DRC8: variants seen among roughly 807,000 people sequenced by gnomAD.
DRC8 encodes the protein dynein regulatory complex protein 8.
chr1:245,032,841 A>G, the DRC8 span, among the ~76,000 whole-genome samples: 3 of 152,224 alleles, frequency 2.0e-5, no homozygotes, highest in Admixed American at 6.5e-5. Context: ...GAGAAGGGAT[A>G]AGATGAGATT....
chr1:245,091,348 G>C, the DRC8 span: 1 of 152,300 alleles, frequency 6.6e-6, no homozygotes, highest in East Asian at 1.9e-4. Flanking sequence ...CTAGCGCCCA[G>C]TGCGTCGACC....
At chr1:244,971,109 T>C in the DRC8 span, 70 of 152,840 alleles carry the variant, frequency 4.6e-4, no homozygotes, top group African/African-American at 1.6e-3. Flanking sequence ...GAGGACGGTC[T>C]GGAGGTCACA....
the DRC8 span, among the ~76,000 whole-genome samples, chr1:244,991,010 G>A: frequency 6.6e-6 from 1 of 152,096 alleles, no homozygotes; most frequent in Non-Finnish European, 1.5e-5. Flanking sequence ...ACAGGTTAAG[G>A]ATTTGGTCCC....
the DRC8 span, chr1:245,086,716 A>T: frequency 1.9e-6 from 1 of 533,150 alleles, no homozygotes; most frequent in Admixed American, 1.9e-5. Flanking sequence ...CATTCTCATG[A>T]CAACCCTATG....
chr1:244,970,562 G>C, the DRC8 span: 13 of 1,378,334 alleles, frequency 9.4e-6, no homozygotes, highest in African/African-American at 1.6e-4. Flanking sequence ...CGCAGGGAAA[G>C]GGCGGCCTGA....
the DRC8 span, among the ~76,000 whole-genome samples, chr1:245,033,391 A>G: frequency 1.6e-4 from 25 of 152,062 alleles, no homozygotes; most frequent in African/African-American, 5.1e-4. Context: ...GCCCTTGTCT[A>G]CGTTGGGAAA....
chr1:245,041,310 G>T, the DRC8 span, among the ~76,000 whole-genome samples: 1 of 152,200 alleles, frequency 6.6e-6, no homozygotes, highest in South Asian at 2.1e-4. Context: ...AGCATTACAT[G>T]CTGTGAAAAA....
chr1:245,067,097 C>T, the DRC8 span, among the ~76,000 whole-genome samples: 4 of 152,156 alleles, frequency 2.6e-5, no homozygotes, highest in Non-Finnish European at 5.9e-5. Context: ...CTTGTCATTT[C>T]TCCATGAATG....
the DRC8 span, among the ~76,000 whole-genome samples, chr1:245,025,891 C>T: frequency 2.6e-5 from 4 of 152,184 alleles, no homozygotes; most frequent in South Asian, 2.1e-4. Context: ...TGTGCCTCTG[C>T]TCCTCCTTCG....
chr1:244,981,853 C>T, the DRC8 span, among the ~76,000 whole-genome samples: 4 of 152,138 alleles, frequency 2.6e-5, no homozygotes, highest in East Asian at 7.7e-4. Flanking sequence ...TATGCTAGTG[C>T]ATTCTTCATA....
the DRC8 span, among the ~76,000 whole-genome samples, chr1:245,121,722 C>A: frequency 6.6e-6 from 1 of 151,982 alleles, no homozygotes; most frequent in Non-Finnish European, 1.5e-5. Flanking sequence ...GGCTGTCCAG[C>A]GTCAGCAAAT....
chr1:245,005,343 T>TA, the DRC8 span, among the ~76,000 whole-genome samples: 3 of 151,888 alleles, frequency 2.0e-5, no homozygotes, highest in East Asian at 5.8e-4. Context: ...GAAGGATTGG[T>TA]AGATTGGTAT....
chr1:245,104,485 C>A, the DRC8 span, among the ~76,000 whole-genome samples: 2 of 143,270 alleles, frequency 1.4e-5, no homozygotes, highest in Non-Finnish European at 3.0e-5. Flanking sequence ...GCCTGGGGGA[C>A]AGATCGAGAC....
chr1:245,069,553 G>T, the DRC8 span, among the ~76,000 whole-genome samples: 2 of 152,142 alleles, frequency 1.3e-5, no homozygotes, highest in Admixed American at 1.3e-4. Context: ...CACAAATACT[G>T]CATGTGAGGT....
the DRC8 span, chr1:245,091,183 G>C: frequency 2.6e-5 from 4 of 152,332 alleles, no homozygotes; most frequent in Non-Finnish European, 5.9e-5. Flanking sequence ...GGTGATCCTC[G>C]GAACATCAGC....
chr1:245,081,862 TTAATGTC>T, the DRC8 span, among the ~76,000 whole-genome samples: 2 of 152,222 alleles, frequency 1.3e-5, no homozygotes, highest in Non-Finnish European at 2.9e-5. Context: ...TGTTTCTTGA[TTAATGTC>T]TGTCTCCCTG....
At chr1:244,971,382 T>A in the DRC8 span, among the ~76,000 whole-genome samples, 2 of 152,232 alleles carry the variant, frequency 1.3e-5, no homozygotes, top group East Asian at 1.9e-4. Flanking sequence ...GGTCGCCAGT[T>A]CGGAGGCATC....
chr1:245,100,065 A>G, the DRC8 span, among the ~76,000 whole-genome samples: 3 of 152,218 alleles, frequency 2.0e-5, no homozygotes, highest in African/African-American at 7.2e-5. Flanking sequence ...AAAATTACCT[A>G]TAATACTATA....
At chr1:245,088,080 T>C in the DRC8 span, among the ~76,000 whole-genome samples, 20 of 152,176 alleles carry the variant, frequency 1.3e-4, no homozygotes, top group African/African-American at 4.6e-4. The surrounding 1 kb of genome is among the most constrained non-coding windows in gnomAD (Gnocchi z 4.6). Flanking sequence ...TCCTGAATAC[T>C]GAGTAAGAAT....
Sources: allele counts gnomAD v4.1 joint callset (sites outside exome capture counted in the v4.1 genomes callset), GRCh38; gene constraint gnomAD v4.1.1; non-coding constraint Gnocchi (gnomAD v3.1); transcripts MANE v1.5; gene names NCBI Gene and HGNC (gene_info 2026-07-23, HGNC 2026-07-21).